NIM1K: variants seen among roughly 807,000 people sequenced by gnomAD.
The protein encoded by NIM1K is serine/threonine-protein kinase NIM1.
In NIM1K, 35 loss-of-function variants were observed where a neutral mutation model predicts 37.1. That is an observed-to-expected ratio of 0.94 (90% CI 0.72 to 1.25). The LOEUF is 1.25. Ranked by LOEUF, NIM1K falls within the 50% of genes most tolerant of loss-of-function variation. The pLI is 0.00. For synonymous variants in NIM1K, 234 were observed against 206.6 expected (o/e 1.13, Z -1.14); for missense variants, 564 against 548.0 (o/e 1.03, Z -0.29).
chr5:43,228,287 C>T (rs1752488726), intron 1 of NIM1K, among the ~76,000 whole-genome samples: 2 of 152,000 alleles, frequency 1.3e-5, no homozygotes, highest in South Asian at 4.2e-4. Context: ...GCTGGGACTA[C>T]AGGTGCCCGC....
chr5:43,250,113 A>G (rs1561087034), intron 2 of NIM1K, among the ~76,000 whole-genome samples: 1 of 151,866 alleles, frequency 6.6e-6, no homozygotes, highest in Non-Finnish European at 1.5e-5. Flanking sequence ...CGGCCTCCCA[A>G]AGTGCTGGGA....
chr5:43,243,949 GCTTAGTTA>G (rs1752740924), intron 1 of NIM1K, among the ~76,000 whole-genome samples: 1 of 152,166 alleles, frequency 6.6e-6, no homozygotes, highest in African/African-American at 2.4e-5. Flanking sequence ...CTAGAGATGT[GCTTAGTTA>G]CTGATACCTG....
At chr5:43,253,418 C>A (rs1188763021) in intron 2 of NIM1K, among the ~76,000 whole-genome samples, 31 of 151,512 alleles carry the variant, frequency 2.0e-4, no homozygotes, top group African/African-American at 7.5e-4. Flanking sequence ...GTCTTGAGGT[C>A]TGAGGAGCAA....
intron 1 of NIM1K, among the ~76,000 whole-genome samples, chr5:43,210,163 G>A (rs956716670): frequency 1.3e-5 from 2 of 151,900 alleles, no homozygotes; most frequent in African/African-American, 4.8e-5. Flanking sequence ...AACCAGAGGG[G>A]AGGGGAAGGG....
At chr5:43,273,053 G>A (rs977204364) in intron 2 of NIM1K, among the ~76,000 whole-genome samples, 5 of 152,036 alleles carry the variant, frequency 3.3e-5, no homozygotes, top group Non-Finnish European at 5.9e-5. Flanking sequence ...AGGGCATGCT[G>A]GCCTCTCCCA....
chr5:43,219,030 A>T (rs1752346763), intron 1 of NIM1K, among the ~76,000 whole-genome samples: 1 of 151,958 alleles, frequency 6.6e-6, no homozygotes, highest in South Asian at 2.1e-4. Flanking sequence ...ATGCGATCTG[A>T]CGCTTTTATA....
chr5:43,247,165 C>T (rs1339537416), intron 2 of NIM1K, among the ~76,000 whole-genome samples: 1 of 152,096 alleles, frequency 6.6e-6, no homozygotes, highest in Non-Finnish European at 1.5e-5. Context: ...CGCAACTGAC[C>T]CACACACTCC....
intron 1 of NIM1K, chr5:43,232,398 G>C: frequency 7.0e-7 from 1 of 1,429,636 alleles, no homozygotes; most frequent in Non-Finnish European, 9.9e-7. Flanking sequence ...TAGGCCACCA[G>C]CTTGGTCTGG....
At chr5:43,213,827 C>T (rs1191811777) in intron 1 of NIM1K, among the ~76,000 whole-genome samples, 2 of 151,792 alleles carry the variant, frequency 1.3e-5, no homozygotes, top group Non-Finnish European at 2.9e-5. Context: ...ATGGGTTTCA[C>T]CATGTTGGCC....
chr5:43,224,268 G>A (rs985796041), intron 1 of NIM1K, among the ~76,000 whole-genome samples: 2 of 151,886 alleles, frequency 1.3e-5, no homozygotes, highest in African/African-American at 4.8e-5. Context: ...CCCAGTCGAA[G>A]TGTCCCATAA....
chr5:43,236,570 G>T (rs1752624737), intron 1 of NIM1K, among the ~76,000 whole-genome samples: 1 of 152,244 alleles, frequency 6.6e-6, no homozygotes, highest in South Asian at 2.1e-4. Flanking sequence ...TGGCATGGCT[G>T]CCCTGGCTGG....
At chr5:43,271,054 A>G (rs1753249382) in intron 2 of NIM1K, among the ~76,000 whole-genome samples, 1 of 150,334 alleles carries the variant, frequency 6.7e-6, no homozygotes, top group South Asian at 2.1e-4. Flanking sequence ...TACAAGCCTG[A>G]TCATGTAACT....
intron 1 of NIM1K, among the ~76,000 whole-genome samples, chr5:43,228,012 C>A (rs996919153): frequency 1.3e-5 from 2 of 152,122 alleles, no homozygotes; most frequent in Non-Finnish European, 2.9e-5. Context: ...CATGTTCTGA[C>A]CCTGAGTGTA....
chr5:43,244,189 C>A lies in NIM1K; in HGVS notation c.-694-893C>A, dbSNP rs112399232. Among the ~76,000 whole-genome samples the A allele has an allele frequency of 7.8e-3, 1,193 of 152,342 alleles. 8 individuals are homozygous for A. The highest frequency in any genetic ancestry group is 0.018 in the South Asian group (85 of 4,832). ...GAGTTGGAAATCCATACTTCCAAGG[C>A]AGTCTCTCATGTTTTCAGTCAAATT... is the stretch of plus-strand genomic sequence containing the variant. On this transcript the variant is annotated intron_variant, in intron 1 of 3. Transcript: ENST00000326035.
chr5:43,241,330 TTTC>T (rs1303067975), intron 1 of NIM1K, among the ~76,000 whole-genome samples: 65 of 47,694 alleles, frequency 1.4e-3, no homozygotes, highest in Non-Finnish European at 5.3e-4. Flanking sequence ...TTCTTTTCTT[TTTC>T]TTTTTTTTTT....
intron 1 of NIM1K, among the ~76,000 whole-genome samples, chr5:43,225,109 T>A (rs1399471593): frequency 6.6e-6 from 1 of 152,124 alleles, no homozygotes; most frequent in Non-Finnish European, 1.5e-5. Context: ...TGACTATATA[T>A]TCTTAAGCTA....
At chr5:43,252,570 A>G (rs1752880690) in intron 2 of NIM1K, among the ~76,000 whole-genome samples, 1 of 11,676 alleles carries the variant, frequency 8.6e-5, no homozygotes, top group African/African-American at 1.8e-4. Context: ...TAGTCTAAAA[A>G]ATTGAAAAAA....
intron 2 of NIM1K, among the ~76,000 whole-genome samples, chr5:43,263,962 T>G (rs928957699): frequency 2.0e-5 from 3 of 152,206 alleles, no homozygotes; most frequent in Non-Finnish European, 2.9e-5. Flanking sequence ...GAGTTCTAGT[T>G]TGATTGCACT....
At chr5:43,213,225 CCTTCT>C (rs1160061072) in intron 1 of NIM1K, among the ~76,000 whole-genome samples, 1 of 75,946 alleles carries the variant, frequency 1.3e-5, no homozygotes, top group Admixed American at 1.3e-4. Context: ...TTCTTTCTTT[CCTTCT>C]TTTCTTCCTT....
Sources: allele counts gnomAD v4.1 joint callset (sites outside exome capture counted in the v4.1 genomes callset), GRCh38; gene constraint gnomAD v4.1.1; transcripts MANE v1.5; gene names NCBI Gene and HGNC (gene_info 2026-07-23, HGNC 2026-07-21).